FBXL17: variants seen among roughly 807,000 people sequenced by gnomAD.
FBXL17 encodes F-box/LRR-repeat protein 17.
A neutral mutation model predicts 66.2 loss-of-function variants in FBXL17; 22 were observed. The ratio of observed to expected loss-of-function variants is 0.33; its 90% CI spans 0.24 to 0.47. The LOEUF is 0.47. Among genes scored for constraint, FBXL17 ranks in the 20% least tolerant of loss-of-function variants. The pLI is 1.00. For missense variants in FBXL17, 878 were observed against 948.2 expected, an observed-to-expected ratio of 0.93 and a Z score of 0.97; for synonymous variants, 474 against 400.5, an observed-to-expected ratio of 1.18 and a Z score of -2.19.
chr5:108,116,336 G>T (rs918588350), intron 6 of FBXL17, among the ~76,000 whole-genome samples: 11 of 151,760 alleles, frequency 7.2e-5, no homozygotes, highest in Non-Finnish European at 1.5e-4. Context: ...TTCAAATCGG[G>T]CAATTAAAAA....
At chr5:108,126,682 T>C (rs1393978407) in intron 6 of FBXL17, among the ~76,000 whole-genome samples, 21 of 146,812 alleles carry the variant, frequency 1.4e-4, no homozygotes, top group East Asian at 8.0e-4. Context: ...TATATATATA[T>C]ATACACACAT....
rs925914609 is a variant in FBXL17, at chr5:108,370,193, ATTGTT to A, written c.994-2245_994-2241del. Among the ~76,000 whole-genome samples the A allele has an allele frequency of 1.6e-4, 24 of 152,260 alleles. No homozygotes were observed. In the East Asian group the frequency reaches 3.3e-3, roughly 21 times the overall value. On this transcript the variant is annotated intron_variant, in intron 1 of 8. Transcript: ENST00000542267. ...ACATAGACAGTGGGCCCAGCTACGAATTGTTTTGTTTTGTTTTTTTTCTCATTAAC... is the reference window on the plus strand; with the variant it reads ...ACATAGACAGTGGGCCCAGCTACGAATTGTTTTGTTTTTTTTCTCATTAAC...
At chr5:107,959,127 T>C (rs1436430214) in intron 7 of FBXL17, among the ~76,000 whole-genome samples, 1 of 152,004 alleles carries the variant, frequency 6.6e-6, no homozygotes, top group Admixed American at 6.6e-5. Context: ...GCTTGGGCCA[T>C]GGAATTGTTC....
At chr5:108,227,149 A>C (rs1755135538) in intron 4 of FBXL17, among the ~76,000 whole-genome samples, 1 of 152,150 alleles carries the variant, frequency 6.6e-6, no homozygotes, top group Non-Finnish European at 1.5e-5. Context: ...AAGTTTTATT[A>C]TATTAAAAAC....
chr5:108,142,276 GT>G (rs964382007), intron 6 of FBXL17, among the ~76,000 whole-genome samples: 15 of 152,146 alleles, frequency 9.9e-5, no homozygotes, highest in Admixed American at 7.9e-4. Context: ...TGAATTCAGT[GT>G]TTTGCTTCTT....
chr5:108,381,032 G>A lies in FBXL17; in HGVS notation c.660C>T (p.Cys220=). Residue 220 remains cysteine, a synonymous_variant, in exon 1 of 9, where the codon TGC becomes TGT. Coordinates refer to ENST00000542267, the MANE Select transcript of FBXL17 (RefSeq NM_001163315.3). ...CGCCACCGCCGCCGCCGCCGCCGCC[G>A]CAGCCCCCGCCGCCGCAGCGGGGCT... ...CKQPRCGGGG[C]GGGGGGGGGG... 3.4e-6 allele frequency: 4 copies of A among 1,191,204 alleles called. No homozygotes were observed. The highest frequency in any genetic ancestry group is 4.2e-6 in the Non-Finnish European group (4 of 962,480). The allele number at this position is 1,191,204 out of a possible 1,614,324, so 73.8% of individuals were successfully genotyped here. A position where few individuals can be genotyped will look rare whatever the true frequency, so the allele number is the denominator to read the frequency against.
chr5:108,092,895 G>C (rs543873454), intron 6 of FBXL17, among the ~76,000 whole-genome samples: 1 of 152,126 alleles, frequency 6.6e-6, no homozygotes, highest in South Asian at 2.1e-4. Flanking sequence ...TGAATGGAGA[G>C]AGTGACTATG....
chr5:108,255,832 T>C (rs1580698861), intron 4 of FBXL17, among the ~76,000 whole-genome samples: 1 of 152,304 alleles, frequency 6.6e-6, no homozygotes, highest in East Asian at 1.9e-4. Context: ...AAAAATATAA[T>C]GTCGATGAAA....
chr5:108,360,207 A>G (rs183214262), intron 3 of FBXL17, among the ~76,000 whole-genome samples: 9 of 152,088 alleles, frequency 5.9e-5, no homozygotes, highest in African/African-American at 2.2e-4. Context: ...ATGGCTTTCA[A>G]TTACCATCTA....
chr5:108,335,039 A>T (rs1760311683), intron 4 of FBXL17, among the ~76,000 whole-genome samples: 2 of 152,196 alleles, frequency 1.3e-5, no homozygotes, highest in African/African-American at 4.8e-5. Context: ...AAATTCCACT[A>T]GTCTTGTTTA....
chr5:108,087,483 T>G (rs1749017378), intron 6 of FBXL17, among the ~76,000 whole-genome samples: 1 of 151,940 alleles, frequency 6.6e-6, no homozygotes, highest in Non-Finnish European at 1.5e-5. Flanking sequence ...AGGGCTCCTG[T>G]TGGGTTGGCC....
intron 3 of FBXL17, among the ~76,000 whole-genome samples, chr5:108,352,984 G>C (rs572661752): frequency 4.6e-5 from 7 of 152,156 alleles, no homozygotes; most frequent in African/African-American, 1.7e-4. Flanking sequence ...GCCTATTCTA[G>C]ATGATCCAAG....
chr5:108,071,639 T>A (rs1026221478), intron 6 of FBXL17, among the ~76,000 whole-genome samples: 7 of 151,986 alleles, frequency 4.6e-5, no homozygotes, highest in Non-Finnish European at 8.8e-5. Context: ...CCTCTCTTAG[T>A]CTCTTTCTCT....
At chr5:108,240,140 G>A (rs1017297158) in intron 4 of FBXL17, among the ~76,000 whole-genome samples, 1 of 152,190 alleles carries the variant, frequency 6.6e-6, no homozygotes, top group South Asian at 2.1e-4. Context: ...CCTAGCTGTT[G>A]TGGCTATAGG....
chr5:108,064,932 T>C (rs1748060844), intron 6 of FBXL17, among the ~76,000 whole-genome samples: 1 of 152,144 alleles, frequency 6.6e-6, no homozygotes. Context: ...TTTAGCTTTT[T>C]AAATTTAATT....
At chr5:107,921,509 A>C (rs1010121937) in intron 7 of FBXL17, among the ~76,000 whole-genome samples, 8 of 152,236 alleles carry the variant, frequency 5.3e-5, no homozygotes, top group Admixed American at 2.0e-4. Flanking sequence ...CACAGGGCAT[A>C]GATGGTGGCA....
intron 5 of FBXL17, among the ~76,000 whole-genome samples, chr5:108,202,982 AT>A (rs1319252228): frequency 6.6e-6 from 1 of 152,186 alleles, no homozygotes; most frequent in African/African-American, 2.4e-5. Flanking sequence ...GAAAAAAATT[AT>A]ACAACAAAGA....
chr5:108,292,684 T>C (rs1340109777), intron 4 of FBXL17, among the ~76,000 whole-genome samples: 1 of 152,242 alleles, frequency 6.6e-6, no homozygotes, highest in Admixed American at 6.5e-5. Context: ...TCATGCCTTA[T>C]TACATAGCAC....
chr5:108,032,158 A>C (rs909706184), intron 6 of FBXL17, among the ~76,000 whole-genome samples: 2 of 152,200 alleles, frequency 1.3e-5, no homozygotes, highest in Non-Finnish European at 2.9e-5. Context: ...CCTAAGGTAC[A>C]TTTCTCAGAA....
Sources: allele counts gnomAD v4.1 joint callset (sites outside exome capture counted in the v4.1 genomes callset), GRCh38; gene constraint gnomAD v4.1.1; transcripts MANE v1.5; gene names NCBI Gene and HGNC (gene_info 2026-07-23, HGNC 2026-07-21).